BRD10: variants seen among roughly 807,000 people sequenced by gnomAD.
The protein encoded by BRD10 is uncharacterized bromodomain-containing protein 10.
chr9:5,988,489 T>C, the BRD10 span: 3 of 1,613,850 alleles, frequency 1.9e-6, no homozygotes, highest in Admixed American at 5.0e-5. Flanking sequence ...CTTCTCATCC[T>C]CCAATCCATA....
At chr9:5,922,728 T>C in the BRD10 span, 12 of 1,614,002 alleles carry the variant, frequency 7.4e-6, no homozygotes, top group Middle Eastern at 1.6e-4. Flanking sequence ...GGATCCACCA[T>C]AGGCTGCACC....
chr9:5,926,562 C>CA, the BRD10 span, among the ~76,000 whole-genome samples: 1 of 152,098 alleles, frequency 6.6e-6, no homozygotes, highest in African/African-American at 2.4e-5. Flanking sequence ...GACGGAGTCT[C>CA]ACTCTGTTGC....
chr9:5,966,149 A>C, the BRD10 span, among the ~76,000 whole-genome samples: 2 of 152,194 alleles, frequency 1.3e-5, no homozygotes, highest in Non-Finnish European at 2.9e-5. Context: ...TATTTCATGC[A>C]TGTAAGTCTT....
At chr9:5,923,000 A>G in the BRD10 span, 1 of 1,614,010 alleles carries the variant, frequency 6.2e-7, no homozygotes, top group Middle Eastern at 1.6e-4. Flanking sequence ...CCCTTTCTGG[A>G]GAGTAGACAC....
chr9:5,894,121 G>C, the BRD10 span, among the ~76,000 whole-genome samples: 11 of 152,156 alleles, frequency 7.2e-5, no homozygotes, highest in Non-Finnish European at 1.5e-4. This position sits in a 1 kb window ranked among gnomAD's most constrained non-coding sequence, Gnocchi z 4.0. Context: ...CGAGAGGCTA[G>C]GGCAGAGGTC....
the BRD10 span, chr9:5,929,028 A>G: frequency 7.4e-7 from 1 of 1,350,234 alleles, no homozygotes; most frequent in Non-Finnish European, 1.1e-6. Context: ...AAAACAGATT[A>G]TAACATTAAA....
the BRD10 span, among the ~76,000 whole-genome samples, chr9:5,935,563 A>C: frequency 6.6e-6 from 1 of 152,232 alleles, no homozygotes; most frequent in African/African-American, 2.4e-5. Context: ...GACTGTTTTC[A>C]ATAAATTGAT....
chr9:5,980,211 A>G, the BRD10 span, among the ~76,000 whole-genome samples: 1 of 151,988 alleles, frequency 6.6e-6, no homozygotes, highest in African/African-American at 2.4e-5. Flanking sequence ...CTTTCACTCA[A>G]TTTTCTCAGA....
the BRD10 span, among the ~76,000 whole-genome samples, chr9:5,949,852 GTAAC>G: frequency 1.3e-5 from 2 of 152,074 alleles, no homozygotes; most frequent in Admixed American, 1.3e-4. Flanking sequence ...TTAGGAAAAA[GTAAC>G]TATTAGGAAA....
At chr9:5,954,123 A>G in the BRD10 span, 1 of 1,306,476 alleles carries the variant, frequency 7.7e-7, no homozygotes. Flanking sequence ...GAAAACCTTC[A>G]TAATGCTGTT....
the BRD10 span, chr9:6,007,227 C>T: frequency 6.2e-7 from 1 of 1,613,738 alleles, no homozygotes; most frequent in Non-Finnish European, 8.5e-7. Flanking sequence ...GCTCCAGCAT[C>T]ATCTCCAGCT....
the BRD10 span, among the ~76,000 whole-genome samples, chr9:5,999,981 G>A: frequency 6.6e-6 from 1 of 151,956 alleles, no homozygotes. Context: ...TAACTTGTAT[G>A]GTTTATTCAG....
At chr9:5,898,430 G>A in the BRD10 span, among the ~76,000 whole-genome samples, 1 of 152,152 alleles carries the variant, frequency 6.6e-6, no homozygotes, top group Non-Finnish European at 1.5e-5. Flanking sequence ...CATGAGGACA[G>A]AGCCCTTGTA....
At chr9:5,918,969 ATTCT>A in the BRD10 span, 6 of 152,608 alleles carry the variant, frequency 3.9e-5, no homozygotes, top group Non-Finnish European at 8.8e-5. Flanking sequence ...TACATCCTGT[ATTCT>A]TTCAATGGAA....
At chr9:5,920,460 C>T in the BRD10 span, 1 of 1,613,992 alleles carries the variant, frequency 6.2e-7, no homozygotes, top group Non-Finnish European at 8.5e-7. Context: ...GTAGTGCCAC[C>T]TGGAGCAGAA....
the BRD10 span, chr9:5,913,757 G>A: frequency 2.7e-5 from 5 of 186,186 alleles, no homozygotes; most frequent in African/African-American, 1.2e-4. Flanking sequence ...ATACATTGAT[G>A]CTGTTAAATG....
At chr9:5,927,949 A>AG in the BRD10 span, among the ~76,000 whole-genome samples, 5 of 152,176 alleles carry the variant, frequency 3.3e-5, 1 homozygote, top group East Asian at 9.6e-4. Flanking sequence ...CCTTGAACTC[A>AG]GACTCCTATA....
chr9:5,936,786 A>T, the BRD10 span, among the ~76,000 whole-genome samples: 1 of 152,312 alleles, frequency 6.6e-6, no homozygotes, highest in African/African-American at 2.4e-5. Context: ...TTTTTACCTT[A>T]ACCTTCATAG....
chr9:5,943,438 C>T, the BRD10 span, among the ~76,000 whole-genome samples: 1 of 151,654 alleles, frequency 6.6e-6, no homozygotes, highest in African/African-American at 2.4e-5. Flanking sequence ...GAAATATGGA[C>T]ACCTCCCTAA....
Sources: allele counts gnomAD v4.1 joint callset (sites outside exome capture counted in the v4.1 genomes callset), GRCh38; gene constraint gnomAD v4.1.1; non-coding constraint Gnocchi (gnomAD v3.1); transcripts MANE v1.5; gene names NCBI Gene and HGNC (gene_info 2026-07-23, HGNC 2026-07-21).